The following POLE2 variants were observed in gnomAD, a reference collection of about 807,000 sequenced individuals.
POLE2 encodes DNA polymerase epsilon subunit 2.
A neutral mutation model predicts 79.4 loss-of-function variants in POLE2; 56 were observed. The ratio of observed to expected loss-of-function variants is 0.71; its 90% CI spans 0.57 to 0.88. POLE2 has a LOEUF of 0.88. Ranked by LOEUF, POLE2 falls within the 40% of genes least tolerant of loss-of-function variation. POLE2 has a pLI of 0.00. For synonymous variants in POLE2, 212 were observed against 214.0 expected (o/e 0.99, Z 0.08); for missense variants, 598 against 638.9 (o/e 0.94, Z 0.69).
intron 1 of POLE2, 114 bp downstream of exon 1, chr14:49,688,022 G>A (rs893440555): frequency 2.5e-4 from 213 of 836,212 alleles, no homozygotes; most frequent in Non-Finnish European, 3.8e-4. Context: ...TGAAATTTAA[G>A]GTCAAGCCCC....
At chr14:49,657,614 A>G (rs1483711382) in intron 10 of POLE2, among the ~76,000 whole-genome samples, 1 of 151,746 alleles carries the variant, frequency 6.6e-6, no homozygotes, top group African/African-American at 2.4e-5. Context: ...CCAATTTTGT[A>G]TTTTTAGTAG....
At chr14:49,665,694 TTACTA>T (rs1885433684) in intron 7 of POLE2, among the ~76,000 whole-genome samples, 1 of 151,308 alleles carries the variant, frequency 6.6e-6, no homozygotes, top group African/African-American at 2.4e-5. Context: ...TTTTTTTTTT[TTACTA>T]TTACAAAAGT....
intron 10 of POLE2, among the ~76,000 whole-genome samples, 190 bp downstream of exon 10, chr14:49,663,125 T>C (rs1885203649): frequency 1.3e-5 from 2 of 152,240 alleles, no homozygotes; most frequent in African/African-American, 4.8e-5. Flanking sequence ...TTGCAACTAA[T>C]TGTTGGCCAA....
At chr14:49,651,871 T>C (rs1330714395) in intron 15 of POLE2, among the ~76,000 whole-genome samples, 3 of 151,950 alleles carry the variant, frequency 2.0e-5, no homozygotes, top group Admixed American at 6.6e-5. Context: ...GGAAGCGCAC[T>C]GCAGGCAAAG....
chr14:49,674,453 A>G lies in POLE2; in HGVS notation c.246-26T>C, dbSNP rs779639555. The G allele has an allele frequency of 7.1e-6, 10 of 1,405,226 alleles. No individual in the cohort carries two copies. In the Admixed American group the frequency reaches 1.8e-4, roughly 25 times the overall value. 87.0% of individuals were successfully genotyped at this position (1,405,226 alleles called of 1,614,324 possible). On this transcript the variant is annotated intron_variant, in intron 3 of 18. Transcript: ENST00000216367. Reference sequence around the variant, plus strand: ...CTGAAAAACATCCCACAAAATACAGACCTGATTTACTAAAACATAAGTACT... The same window carrying G: ...CTGAAAAACATCCCACAAAATACAGGCCTGATTTACTAAAACATAAGTACT...
At chr14:49,688,077 C>T (rs1377329565) in intron 1 of POLE2, 59 bp downstream of exon 1, 3 of 1,358,020 alleles carry the variant, frequency 2.2e-6, no homozygotes, top group East Asian at 5.4e-5. Flanking sequence ...CGCTGCCGCA[C>T]CAGGCAGACG....
intron 1 of POLE2, among the ~76,000 whole-genome samples, chr14:49,687,113 G>A (rs765820645): frequency 2.0e-5 from 3 of 151,764 alleles, no homozygotes; most frequent in East Asian, 1.9e-4. Flanking sequence ...GCCAGACCCC[G>A]TCTCTAAAAA....
chr14:49,668,826 G>T (rs1200242025), intron 6 of POLE2, among the ~76,000 whole-genome samples: 1 of 152,016 alleles, frequency 6.6e-6, no homozygotes, highest in Non-Finnish European at 1.5e-5. Flanking sequence ...TTTGAGAGGG[G>T]TCCTTACACT....
intron 13 of POLE2, 33 bp downstream of exon 13, chr14:49,654,751 G>T: frequency 6.9e-7 from 1 of 1,448,092 alleles, no homozygotes; most frequent in South Asian, 1.6e-5. Context: ...TAAGTAAAAC[G>T]GTGAAAAAAT....
At position 49,653,987 on chromosome 14, in the gene POLE2, T is replaced by A; in HGVS notation, c.1211+3A>T. On this transcript the variant is annotated splice_donor_region_variant and intron_variant, in intron 15 of 18. Coordinates refer to ENST00000216367, the MANE Select transcript of POLE2 (RefSeq NM_002692.4). ...ATGTATAACACAAAATACTAATTCT[T>A]ACCTGCAAGGATTAGTAGTAAAAAC... 6.7e-7 allele frequency: 1 copy of A among 1,501,502 alleles called. No individual in the cohort carries two copies. The highest frequency in any genetic ancestry group is 1.4e-5 in the African/African-American group (1 of 72,616). 93.0% of individuals were successfully genotyped at this position (1,501,502 alleles called of 1,614,324 possible).
In POLE2 at chr14:49,685,790, T is replaced by G. The variant is rs568889068; in HGVS notation, c.69-2097A>C. On this transcript the variant is annotated intron_variant, in intron 1 of 18. Transcript: ENST00000216367. ...CACATCACCACGTCTGGCTGGTTGG[T>G]TTTTTTTTTTGTATTTTTAGTAGAG... is the stretch of plus-strand genomic sequence containing the variant. Among the ~76,000 whole-genome samples, 722 of 132,260 alleles carry G rather than the reference T, an allele frequency of 5.5e-3. 5 individuals are homozygous for G. The highest frequency in any genetic ancestry group is 0.024 in the African/African-American group (685 of 27,990). 86.8% of individuals were successfully genotyped at this position (132,260 alleles called of 152,430 possible). A position where few individuals can be genotyped will look rare whatever the true frequency, so the allele number is the denominator to read the frequency against.
At chr14:49,644,238 C>T (rs904869522) in intron 18 of POLE2, among the ~76,000 whole-genome samples, 3 of 149,860 alleles carry the variant, frequency 2.0e-5, no homozygotes, top group Admixed American at 6.6e-5. Context: ...TAGCCGGGCG[C>T]GGTGGCTCAC....
In POLE2 at chr14:49,652,048, T is replaced by G. The variant is rs554453713; in HGVS notation, c.1212-671A>C. Reference sequence around the variant, plus strand: ...ACCACTGCAAGGATACGGCTGTCACTAAATCACGAGGGGTCCCTTTTTCCA... The same window carrying G: ...ACCACTGCAAGGATACGGCTGTCACGAAATCACGAGGGGTCCCTTTTTCCA... On this transcript the variant is annotated intron_variant, in intron 15 of 18. Coordinates refer to ENST00000216367, the MANE Select transcript of POLE2 (RefSeq NM_002692.4). Among the ~76,000 whole-genome samples, 33 of 152,188 alleles carry G rather than the reference T, an allele frequency of 2.2e-4. No homozygotes were observed. In the South Asian group the frequency reaches 6.8e-3, roughly 32 times the overall value.
At chr14:49,684,661 TAAAAAAAAAAAA>T (rs568332625) in intron 1 of POLE2, 1 of 100,316 alleles carries the variant, frequency 1.0e-5, no homozygotes, top group Non-Finnish European at 2.0e-5. Flanking sequence ...TGACCATCAT[TAAAAAAAAAAAA>T]AAAAAAAAAA....
intron 3 of POLE2, chr14:49,677,528 T>C (rs1886370268): frequency 6.1e-6 from 3 of 490,720 alleles, no homozygotes; most frequent in Admixed American, 6.7e-5. Context: ...CACCAGGCCC[T>C]GACCCTGCCG....
At chr14:49,654,279 G>C in intron 13 of POLE2, 65 bp from the exon 14 acceptor site, 1 of 1,034,068 alleles carries the variant, frequency 9.7e-7, no homozygotes. Flanking sequence ...TAGCTTAAAA[G>C]CAAGTTATTC....
In POLE2 at chr14:49,651,347, G is replaced by A. The variant is rs1180403753; in HGVS notation, c.1242C>T (p.Val414=). 1.3e-6 allele frequency: 2 copies of A among 1,586,836 alleles called. No individual in the cohort carries two copies. Among genetic ancestry groups the A allele is most frequent in the East Asian group, 4.5e-5 (2 of 44,682 alleles). The change falls in exon 16 of 19, where the codon GTC becomes GTT. Residue 414 remains valine, a synonymous_variant. Coordinates refer to ENST00000216367, the MANE Select transcript of POLE2 (RefSeq NM_002692.4). ...TTTTATTTACTAAGTCTTCACGGAAGACAGTAATTTCCTGTGTACAGTACT... is the reference window on the plus strand; with the variant it reads ...TTTTATTTACTAAGTCTTCACGGAAAACAGTAATTTCCTGTGTACAGTACT... ...RIQYCTQEIT[V]FREDLVNKMC... is the part of the protein sequence containing the mutation.
In POLE2 at chr14:49,679,710, A is replaced by C. The variant is rs773318425; in HGVS notation, c.245+15T>G. Reference sequence around the variant, plus strand: ...ACACCTCCAAGGAGGAAAAAAGTTAACTGTACCCACATACATAGTTTCATC... The same window carrying C: ...ACACCTCCAAGGAGGAAAAAAGTTACCTGTACCCACATACATAGTTTCATC... On this transcript the variant is annotated intron_variant, in intron 3 of 18. Coordinates refer to ENST00000216367, the MANE Select transcript of POLE2 (RefSeq NM_002692.4). The C allele has an allele frequency of 4.6e-5, 67 of 1,461,134 alleles. No homozygotes were observed. The highest frequency in any genetic ancestry group is 5.9e-5 in the Non-Finnish European group (62 of 1,050,178). The allele number at this position is 1,461,134 out of a possible 1,614,324, so 90.5% of individuals were successfully genotyped here.
Position 49,651,283 on chromosome 14 carries a change from C to A in POLE2, c.1306G>T (p.Ala436Ser). The A allele has an allele frequency of 6.4e-7, 1 of 1,569,206 alleles. No homozygotes were observed. The part of the protein sequence containing the change: ...NCVRFPSSNL[A>S]IPNHFVKTIL... ...GTTTCACTTACGTGATTAGGAATAG[C>A]CAAATTGCTGCTAGGAAAACGGACG... is the stretch of plus-strand genomic sequence containing the variant. Residue 436 changes from alanine (A) to serine (S), a missense_variant, in exon 16 of 19, where the codon GCT becomes TCT. Physicochemically the swap from Ala to Ser is moderately conservative, Grantham distance 99. Coordinates refer to ENST00000216367, the MANE Select transcript of POLE2 (RefSeq NM_002692.4).
Sources: gnomAD v4.1 joint callset for allele counts (sites outside exome capture counted in the v4.1 genomes callset) on GRCh38, gnomAD v4.1.1 for gene constraint, MANE v1.5 for transcripts, NCBI Gene and HGNC (gene_info 2026-07-23, HGNC 2026-07-21) for gene names.